The following NTRK2 variants were observed in gnomAD, a reference collection of about 807,000 sequenced individuals.
NTRK2 encodes the protein neurotrophic receptor tyrosine kinase 2.
NTRK2 carries 13 observed loss-of-function variants against 94.5 expected under a neutral mutation model. The observed-to-expected ratio is 0.14, with a 90% CI of 0.09 to 0.22. The LOEUF is 0.22. NTRK2 is among the 10% of genes least tolerant of loss of function. NTRK2 has a pLI of 1.00. For missense variants in NTRK2, 639 were observed against 1,071.2 expected, an observed-to-expected ratio of 0.60 and a Z score of 5.63; for synonymous variants, 372 against 407.4, an observed-to-expected ratio of 0.91 and a Z score of 1.05.
At position 85,023,109 on chromosome 9, in the gene NTRK2, G is replaced by A. The variant is rs1200842252; in HGVS notation, c.*1672G>A. On this transcript the variant is annotated 3_prime_UTR_variant, in exon 19 of 19. Transcript: ENST00000277120. ...TGCCCAGACCAAGCACTGGAAGTGT[G>A]CTTCTAGGCATAGTCATTGGTTTTG... is the stretch of plus-strand genomic sequence containing the variant. 1 of 232,960 alleles carries A rather than the reference G, an allele frequency of 4.3e-6. No individual in the cohort carries two copies. Among genetic ancestry groups the A allele is most frequent in the Non-Finnish European group, 8.5e-6 (1 of 117,930 alleles). 14.4% of individuals were successfully genotyped at this position (232,960 alleles called of 1,614,324 possible). A position where few individuals can be genotyped will look rare whatever the true frequency, so the allele number is the denominator to read the frequency against.
Position 84,978,913 on chromosome 9 carries a change from A to G in NTRK2, c.2172+23396A>G, listed in dbSNP as rs143264073. On this transcript the variant is annotated intron_variant, in intron 17 of 18. Transcript: ENST00000277120. ...TAAATGGAACAACAAAGCCTGGATG[A>G]CAGCACATCTGTTTACACCATGGTT... is the stretch of plus-strand genomic sequence containing the variant. Among the ~76,000 whole-genome samples, 20 of 152,366 alleles carry G rather than the reference A, an allele frequency of 1.3e-4. 1 individual carries two copies. The East Asian group carries it at 3.9e-3, about 29-fold the overall frequency.
At chr9:84,812,416 C>T (rs1317151382) in intron 12 of NTRK2, 4 of 1,056,430 alleles carry the variant, frequency 3.8e-6, no homozygotes, top group African/African-American at 1.7e-5. Context: ...CCTCCTAACT[C>T]CATTTGAATG....
intron 14 of NTRK2, among the ~76,000 whole-genome samples, chr9:84,878,514 G>T (rs1377278266): frequency 1.3e-5 from 2 of 151,806 alleles, no homozygotes; most frequent in East Asian, 3.9e-4. Flanking sequence ...CATGCCAGTA[G>T]TCCCAGCTAC....
intron 17 of NTRK2, among the ~76,000 whole-genome samples, chr9:84,992,761 C>T (rs551017260): frequency 1.4e-4 from 22 of 152,204 alleles, no homozygotes; most frequent in Admixed American, 3.9e-4. Context: ...ATTTCCTGTG[C>T]TCCATTTATG....
intron 6 of NTRK2, among the ~76,000 whole-genome samples, chr9:84,723,043 A>G (rs901134139): frequency 3.3e-5 from 5 of 152,230 alleles, no homozygotes; most frequent in Admixed American, 3.3e-4. Context: ...ATTTTCTTCA[A>G]TAGAATGAGT....
chr9:84,998,099 T>G (rs548963711), intron 17 of NTRK2, among the ~76,000 whole-genome samples: 4 of 152,342 alleles, frequency 2.6e-5, no homozygotes, highest in Admixed American at 2.6e-4. Flanking sequence ...ATGCTCAGCT[T>G]GGAAGTGTTG....
intron 14 of NTRK2, chr9:84,876,360 T>C: frequency 9.5e-7 from 1 of 1,051,928 alleles, no homozygotes; most frequent in Non-Finnish European, 1.1e-6. Context: ...GCCACCTGAA[T>C]TGTTTTCCTA....
intron 17 of NTRK2, among the ~76,000 whole-genome samples, chr9:85,010,259 T>C (rs1330694637): frequency 6.6e-6 from 1 of 152,214 alleles, no homozygotes; most frequent in Non-Finnish European, 1.5e-5. Context: ...GTTTTGGTCC[T>C]AAACCAGCAT....
At chr9:85,009,942 CTGATTT>C (rs1831379895) in intron 17 of NTRK2, among the ~76,000 whole-genome samples, 1 of 152,190 alleles carries the variant, frequency 6.6e-6, no homozygotes, top group Non-Finnish European at 1.5e-5. Context: ...TCATTTTTAA[CTGATTT>C]TGGTGTATTA....
At chr9:84,778,992 G>T (rs1768991037) in intron 12 of NTRK2, among the ~76,000 whole-genome samples, 1 of 152,130 alleles carries the variant, frequency 6.6e-6, no homozygotes, top group African/African-American at 2.4e-5. Context: ...TCTTCTCCCA[G>T]CATTTAACAG....
intron 12 of NTRK2, among the ~76,000 whole-genome samples, chr9:84,818,912 C>T (rs868590162): frequency 4.6e-5 from 7 of 152,178 alleles, no homozygotes; most frequent in African/African-American, 1.7e-4. Flanking sequence ...GGCAGAGCAG[C>T]GTCGGAGCTG....
chr9:84,903,722 C>A (rs938992177), intron 14 of NTRK2, among the ~76,000 whole-genome samples: 1 of 150,472 alleles, frequency 6.6e-6, no homozygotes, highest in African/African-American at 2.4e-5. Flanking sequence ...TCCTTCTTTC[C>A]TTCCTTGCCT....
intron 2 of NTRK2, among the ~76,000 whole-genome samples, chr9:84,678,111 A>G (rs72737652): frequency 0.031 from 4,716 of 152,316 alleles, 100 homozygotes; most frequent in Middle Eastern, 0.072. Context: ...AAATCTGTGT[A>G]TAAAACTCTG....
At chr9:84,811,713 C>T (rs201557352) in intron 12 of NTRK2, 3 of 1,065,702 alleles carry the variant, frequency 2.8e-6, no homozygotes, top group Non-Finnish European at 2.3e-6. Context: ...TGGCAGGTCG[C>T]TAATGAATAT....
At chr9:85,012,502 A>C (rs1376956838) in intron 17 of NTRK2, among the ~76,000 whole-genome samples, 1 of 152,132 alleles carries the variant, frequency 6.6e-6, no homozygotes, top group Non-Finnish European at 1.5e-5. Context: ...TCTTTTTAAA[A>C]TATCATGTAA....
chr9:84,758,561 T>C (rs1343286079), intron 12 of NTRK2, among the ~76,000 whole-genome samples: 1 of 152,138 alleles, frequency 6.6e-6, no homozygotes, highest in Non-Finnish European at 1.5e-5. Flanking sequence ...CCGGCTAATT[T>C]TGTATTTTTA....
chr9:84,889,455 CA>C (rs1180770762), intron 14 of NTRK2, among the ~76,000 whole-genome samples: 1 of 152,110 alleles, frequency 6.6e-6, no homozygotes, highest in African/African-American at 2.4e-5. Flanking sequence ...CTCTGTTGCC[CA>C]AGCTGGAATG....
chr9:84,669,097 C>A (rs574237223), upstream of NTRK2, among the ~76,000 whole-genome samples: 1 of 152,232 alleles, frequency 6.6e-6, no homozygotes, highest in South Asian at 2.1e-4. The surrounding 1 kb of genome is among the most constrained non-coding windows in gnomAD (Gnocchi z 4.1). Flanking sequence ...ACAGGAAGCC[C>A]CTCCAAAACC....
At position 84,848,251 on chromosome 9, in the gene NTRK2, A is replaced by G. The variant is rs762659637; in HGVS notation, c.1397-12789A>G. Among the ~76,000 whole-genome samples, 3 of 152,342 alleles carry G rather than the reference A, an allele frequency of 2.0e-5. 1 individual carries two copies. The South Asian group carries it at 6.2e-4, about 32-fold the overall frequency. ...ATATAGTCACACTGAAGATTTCAAC[A>G]TATGAATTCTATGTGCACACAATTT... On this transcript the variant is annotated intron_variant, in intron 12 of 18. Transcript: ENST00000277120.
Sources: allele counts gnomAD v4.1 joint callset (sites outside exome capture counted in the v4.1 genomes callset), GRCh38; gene constraint gnomAD v4.1.1; non-coding constraint Gnocchi (gnomAD v3.1); transcripts MANE v1.5; gene names NCBI Gene and HGNC (gene_info 2026-07-23, HGNC 2026-07-21).